SHISA9: variants seen among roughly 807,000 people sequenced by gnomAD.
The protein encoded by SHISA9 is shisa family member 9.
In SHISA9, 13 loss-of-function variants were observed where a neutral mutation model predicts 38.0. The observed-to-expected ratio is 0.34, with a 90% confidence interval of 0.22 to 0.54. The LOEUF is 0.54. Ranked by LOEUF, SHISA9 falls within the 20% of genes least tolerant of loss-of-function variation. The pLI, the probability that SHISA9 is intolerant of heterozygous loss-of-function variation, is 0.91. For synonymous variants in SHISA9, 275 were observed against 242.0 expected (o/e 1.14, Z -1.27); for missense variants, 538 against 575.8 (o/e 0.93, Z 0.67).
intron 2 of SHISA9, among the ~76,000 whole-genome samples, chr16:12,986,979 G>C (rs1357739742): frequency 6.6e-6 from 1 of 152,186 alleles, no homozygotes; most frequent in Non-Finnish European, 1.5e-5. Flanking sequence ...AAATGTAGCT[G>C]TCTCTTCCAT....
the SHISA9 span, among the ~76,000 whole-genome samples, chr16:13,539,320 AG>A: frequency 5.3e-4 from 15 of 28,372 alleles, 1 homozygote; most frequent in Admixed American, 5.4e-3. Flanking sequence ...ATATATATAA[AG>A]ACAGGATCTT....
At chr16:13,117,443 TGTGACTTTATTTG>T (rs1176558750) in intron 2 of SHISA9, among the ~76,000 whole-genome samples, 3 of 152,332 alleles carry the variant, frequency 2.0e-5, no homozygotes, top group Admixed American at 6.5e-5. Flanking sequence ...AACTTGTGCC[TGTGACTTTATTTG>T]GTAAAAAGGG....
chr16:13,518,929 T>C, the SHISA9 span, among the ~76,000 whole-genome samples: 1 of 152,038 alleles, frequency 6.6e-6, no homozygotes, highest in Non-Finnish European at 1.5e-5. Flanking sequence ...GGGGTGAACT[T>C]TCCTAGGAAA....
intron 2 of SHISA9, among the ~76,000 whole-genome samples, chr16:12,965,979 C>T (rs2071972877): frequency 6.6e-6 from 1 of 152,216 alleles, no homozygotes; most frequent in Non-Finnish European, 1.5e-5. Context: ...CTGAGGTTTC[C>T]TGACCTTGGC....
chr16:13,233,221 G>GA (rs1224289906), intron 4 of SHISA9, among the ~76,000 whole-genome samples: 2 of 151,392 alleles, frequency 1.3e-5, no homozygotes, highest in East Asian at 1.9e-4. Context: ...GGCAAGATAA[G>GA]AAAAAATCAG....
At chr16:13,497,834 T>C in the SHISA9 span, among the ~76,000 whole-genome samples, 1 of 151,696 alleles carries the variant, frequency 6.6e-6, no homozygotes, top group East Asian at 1.9e-4. Context: ...AAAAGATAAA[T>C]GGTGCTGGGA....
the SHISA9 span, among the ~76,000 whole-genome samples, chr16:13,250,766 G>T: frequency 0.02 from 3,106 of 152,232 alleles, 116 homozygotes; most frequent in African/African-American, 0.07. Context: ...GACTCTGTTG[G>T]CTGGAACCCA....
At chr16:13,100,108 C>G (rs1005747495) in intron 2 of SHISA9, among the ~76,000 whole-genome samples, 1 of 152,196 alleles carries the variant, frequency 6.6e-6, no homozygotes, top group Non-Finnish European at 1.5e-5. Context: ...GTAGGAATGT[C>G]AGCTCAGTGT....
At chr16:13,017,987 A>T (rs1006517459) in intron 2 of SHISA9, among the ~76,000 whole-genome samples, 1 of 152,232 alleles carries the variant, frequency 6.6e-6, no homozygotes, top group Non-Finnish European at 1.5e-5. Context: ...TACTTAAAAG[A>T]GAACGTTCTG....
chr16:13,389,844 A>G, the SHISA9 span, among the ~76,000 whole-genome samples: 2 of 152,226 alleles, frequency 1.3e-5, no homozygotes, highest in Non-Finnish European at 2.9e-5. Context: ...ACTGGCTATA[A>G]TCACTGAGGA....
At chr16:13,178,335 T>C (rs2050749152) in intron 2 of SHISA9, among the ~76,000 whole-genome samples, 1 of 151,820 alleles carries the variant, frequency 6.6e-6, no homozygotes, top group East Asian at 1.9e-4. Context: ...GGTTTTTTTT[T>C]TTTTTCTTTT....
At chr16:13,358,014 C>A in the SHISA9 span, among the ~76,000 whole-genome samples, 1 of 151,812 alleles carries the variant, frequency 6.6e-6, no homozygotes, top group Non-Finnish European at 1.5e-5. Flanking sequence ...TATATACGTG[C>A]AGGTCACAGG....
chr16:13,129,531 C>T (rs1014128030), intron 2 of SHISA9, among the ~76,000 whole-genome samples: 5 of 152,122 alleles, frequency 3.3e-5, no homozygotes, highest in African/African-American at 1.2e-4. Flanking sequence ...TATGGCTATA[C>T]CTAATTGTAG....
the SHISA9 span, among the ~76,000 whole-genome samples, chr16:13,469,354 G>GAAAGAAAGAAAGAAAGA: frequency 2.0e-5 from 2 of 101,164 alleles, no homozygotes; most frequent in Non-Finnish European, 4.1e-5. Flanking sequence ...AAGAAAGAAA[G>GAAAGAAAGAAAGAAAGA]AAAGAAAAGA....
At chr16:13,293,934 G>A in the SHISA9 span, among the ~76,000 whole-genome samples, 1 of 152,204 alleles carries the variant, frequency 6.6e-6, no homozygotes, top group South Asian at 2.1e-4. Flanking sequence ...GCTGTGTGTT[G>A]TGGTTTTGTT....
At chr16:12,956,553 A>C (rs1013947412) in intron 2 of SHISA9, among the ~76,000 whole-genome samples, 1 of 152,236 alleles carries the variant, frequency 6.6e-6, no homozygotes, top group Non-Finnish European at 1.5e-5. Context: ...CATAAAAAGA[A>C]TGAAATCATG....
At chr16:13,034,868 C>T (rs964571397) in intron 2 of SHISA9, among the ~76,000 whole-genome samples, 6 of 152,298 alleles carry the variant, frequency 3.9e-5, no homozygotes, top group African/African-American at 1.4e-4. Context: ...CATCCAAGAT[C>T]GTCCTACATT....
At chr16:12,978,862 G>A (rs1596561914) in intron 2 of SHISA9, among the ~76,000 whole-genome samples, 1 of 152,356 alleles carries the variant, frequency 6.6e-6, no homozygotes, top group East Asian at 1.9e-4. Context: ...CACCCAAGTA[G>A]TAATTGTAGA....
chr16:13,002,719 G>A (rs1217045780), intron 2 of SHISA9, among the ~76,000 whole-genome samples: 2 of 151,828 alleles, frequency 1.3e-5, no homozygotes, highest in Admixed American at 1.3e-4. Flanking sequence ...TTTTAATAGA[G>A]ATGAGATTTC....
Sources: allele counts gnomAD v4.1 joint callset (sites outside exome capture counted in the v4.1 genomes callset), GRCh38; gene constraint gnomAD v4.1.1; transcripts MANE v1.5; gene names NCBI Gene and HGNC (gene_info 2026-07-23, HGNC 2026-07-21).